NFKBIA: variants seen among roughly 807,000 people sequenced by gnomAD.
The protein encoded by NFKBIA is NF-kappa-B inhibitor alpha.
Under a neutral mutation model 36.3 loss-of-function variants are expected in NFKBIA, and 10 were observed. The observed-to-expected ratio is 0.28, with a 90% CI of 0.17 to 0.47. The LOEUF (loss-of-function observed/expected upper bound fraction) is 0.47, where lower values mean the gene tolerates loss of function less well. NFKBIA is among the 20% of genes least tolerant of loss of function. NFKBIA has a pLI of 0.99. For missense variants in NFKBIA, 355 were observed against 399.3 expected (o/e 0.89, Z 0.94); for synonymous variants, 205 against 164.4 (o/e 1.25, Z -1.89).
Position 35,402,028 on chromosome 14 carries a change from C to T in NFKBIA, c.939G>A (p.Gln313=). ...LPYDDCVFGG[Q]RLTL ...CCCTTTGCGCTCATAACGTCAGACG[C>T]TGGCCTCCAAACACACAGTCATCAT... The change falls in exon 6 of 6, where the codon CAG becomes CAA. Residue 313 remains glutamine, a synonymous_variant. Transcript: ENST00000216797. The T allele has an allele frequency of 6.2e-7, 1 of 1,614,042 alleles. No homozygotes were observed. The highest frequency in any genetic ancestry group is 1.1e-5 in the South Asian group (1 of 91,090).
Position 35,403,380 on chromosome 14 carries a change from C to G in NFKBIA, c.337-20G>C, listed in dbSNP as rs371120371. ...TGGAGTCTACGAATGCAAGAGAGACCAGAGAAAGTAAGCCATGGACCAAAC... is the reference window on the plus strand; with the variant it reads ...TGGAGTCTACGAATGCAAGAGAGACGAGAGAAAGTAAGCCATGGACCAAAC... On this transcript the variant is annotated intron_variant, in intron 2 of 5. Coordinates refer to ENST00000216797, the MANE Select transcript of NFKBIA (RefSeq NM_020529.3). 16 of 1,613,270 alleles carry G rather than the reference C, an allele frequency of 9.9e-6. No individual in the cohort carries two copies. The highest frequency in any genetic ancestry group is 1.4e-5 in the Non-Finnish European group (16 of 1,179,684).
At position 35,402,043 on chromosome 14, in the gene NFKBIA, A is replaced by G. The variant is rs2052732399; in HGVS notation, c.924T>C (p.Cys308=). 1.9e-6 allele frequency: 3 copies of G among 1,613,970 alleles called. No individual in the cohort carries two copies. Among genetic ancestry groups the G allele is most frequent in the Non-Finnish European group, 2.5e-6 (3 of 1,180,020 alleles). Residue 308 remains cysteine (C), a synonymous_variant, in exon 6 of 6, where the codon TGT becomes TGC. Transcript: ENST00000216797. ...FTEDELPYDD[C]VFGGQRLTL ...ACGTCAGACGCTGGCCTCCAAACAC[A>G]CAGTCATCATAGGGCAGCTGAAAAC... is the stretch of plus-strand genomic sequence containing the variant.
Position 35,403,699 on chromosome 14 carries a change from G to A in NFKBIA, c.327C>T (p.Asn109=), listed in dbSNP as rs761346881. 6 of 1,612,980 alleles carry A rather than the reference G, an allele frequency of 3.7e-6. No homozygotes were observed. Among genetic ancestry groups the A allele is most frequent in the African/African-American group, 1.3e-5 (1 of 75,050 alleles). Residue 109 remains asparagine (N), a synonymous_variant, in exon 2 of 6, where the codon AAC becomes AAT. Coordinates refer to ENST00000216797, the MANE Select transcript of NFKBIA (RefSeq NM_020529.3). The stretch of plus-strand genomic sequence containing the variant: ...CAGGCAAGCGGCGCACCTGCTGCAG[G>A]TTGTTCTGGAAGTTGAGGAAGGCCA... ...GDLAFLNFQN[N]LQQTPLHLAV...
At position 35,401,648 on chromosome 14, in the gene NFKBIA, G is replaced by A. The variant is rs1397258012; in HGVS notation, c.*365C>T. ...AACTTTTCACCCCACATCACTGAACGCTTAACACTCCTGGCTGTTACATGT... is the reference window on the plus strand; with the variant it reads ...AACTTTTCACCCCACATCACTGAACACTTAACACTCCTGGCTGTTACATGT... On this transcript the variant is annotated 3_prime_UTR_variant, in exon 6 of 6. Transcript: ENST00000216797. The A allele has an allele frequency of 3.4e-5, 13 of 379,588 alleles. No individual in the cohort carries two copies. Among genetic ancestry groups the A allele is most frequent in the Non-Finnish European group, 5.8e-5 (12 of 206,972 alleles). 23.5% of individuals were successfully genotyped at this position (379,588 alleles called of 1,614,324 possible).
intron 1 of NFKBIA, 81 bp from the exon 2 acceptor site, chr14:35,403,879 G>A: frequency 1.9e-6 from 2 of 1,036,936 alleles, no homozygotes; most frequent in East Asian, 2.5e-5. Flanking sequence ...GCGGGGGATT[G>A]CGCAAGGCCG....
chr14:35,403,933 T>G (rs2052758290), intron 1 of NFKBIA, 135 bp from the exon 2 acceptor site: 2 of 716,610 alleles, frequency 2.8e-6, no homozygotes, highest in Non-Finnish European at 5.0e-6. Context: ...GCGAGGTTAT[T>G]ATGAGCTGAG....
rs1566589668 is a variant in NFKBIA, at chr14:35,402,001, G to C, written c.*12C>G. 3 of 1,613,224 alleles carry C rather than the reference G, an allele frequency of 1.9e-6. No individual in the cohort carries two copies. The highest frequency in any genetic ancestry group is 2.2e-5 in the East Asian group (1 of 44,874). Reference sequence around the variant, plus strand: ...AAATATACAAGTCCATGTTCTTTCAGCCCCTTTGCGCTCATAACGTCAGAC... The same window carrying C: ...AAATATACAAGTCCATGTTCTTTCACCCCCTTTGCGCTCATAACGTCAGAC... On this transcript the variant is annotated 3_prime_UTR_variant, in exon 6 of 6. Transcript: ENST00000216797.
intron 5 of NFKBIA, 93 bp downstream of exon 5, chr14:35,402,301 T>C (rs2138830123): frequency 1.4e-6 from 2 of 1,460,494 alleles, no homozygotes; most frequent in African/African-American, 1.4e-5. Context: ...ATTATGTAGA[T>C]ACCCCTCTGA....
Position 35,402,114 on chromosome 14 carries a change from A to G in NFKBIA, c.907-54T>C, listed in dbSNP as rs1246145380. 3.1e-6 allele frequency: 5 copies of G among 1,606,572 alleles called. No homozygotes were observed. In the Admixed American group the frequency reaches 5.0e-5, roughly 16 times the overall value. ...AAGCTTCCGGAGCGGAGCTCTGCCA[A>G]GCTACCGGGATGGGGAGGCCACTAC... On this transcript the variant is annotated intron_variant, in intron 5 of 5. Transcript: ENST00000216797.
At chr14:35,404,051 C>T (rs1490493667) in intron 1 of NFKBIA, 3 of 504,476 alleles carry the variant, frequency 5.9e-6, no homozygotes. Context: ...CCCTGTACTT[C>T]CCCTCCCGGC....
chr14:35,402,274 A>C, intron 5 of NFKBIA, 120 bp downstream of exon 5: 1 of 1,224,448 alleles, frequency 8.2e-7, no homozygotes, highest in Admixed American at 1.7e-5. Context: ...GGTTATGCAC[A>C]GAAATTTGAG....
At chr14:35,403,062 G>T in intron 3 of NFKBIA, 88 bp downstream of exon 3, 1 of 1,461,166 alleles carries the variant, frequency 6.8e-7, no homozygotes, top group Non-Finnish European at 9.5e-7. Flanking sequence ...TTAAGCTCTT[G>T]CCTGGACTCC....
At chr14:35,403,430 C>A (rs2052750143) in intron 2 of NFKBIA, 70 bp from the exon 3 acceptor site, 5 of 1,529,908 alleles carry the variant, frequency 3.3e-6, no homozygotes, top group East Asian at 2.3e-5. Context: ...CCCCTCAACC[C>A]GTGTCTCCTG....
intron 5 of NFKBIA, 97 bp downstream of exon 5, chr14:35,402,297 T>A: frequency 2.1e-6 from 3 of 1,444,190 alleles, no homozygotes; most frequent in Non-Finnish European, 2.9e-6. Context: ...ACTCATTATG[T>A]AGATACCCCT....
chr14:35,403,092 C>G, intron 3 of NFKBIA, 58 bp downstream of exon 3: 1 of 1,578,372 alleles, frequency 6.3e-7, no homozygotes, highest in Non-Finnish European at 8.7e-7. Flanking sequence ...CCCACCTGCC[C>G]CTTCTCCACG....
chr14:35,402,485 A>C lies in NFKBIA; in HGVS notation c.815T>G (p.Leu272Arg). Reference protein sequence around the residue: ...STRIQQQLGQLTLENLQMLPE... With the variant: ...STRIQQQLGQRTLENLQMLPE... ...CAGCATCTGAAGGTTTTCTAGTGTC[A>C]GCTGGCCCAGCTGCTGCTGTATCCG... The change falls in exon 5 of 6, where the codon CTG (leucine) becomes CGG (arginine). Residue 272 changes from leucine (L) to arginine (R), a missense_variant. Coordinates refer to ENST00000216797, the MANE Select transcript of NFKBIA (RefSeq NM_020529.3). 1 of 1,614,168 alleles carries C rather than the reference A, an allele frequency of 6.2e-7. No homozygotes were observed. Among genetic ancestry groups the C allele is most frequent in the Admixed American group, 1.7e-5 (1 of 60,018 alleles).
In NFKBIA at chr14:35,402,853, G is replaced by A. The variant is rs142195196; in HGVS notation, c.554C>T (p.Thr185Met). Residue 185 changes from threonine (T) to methionine (M), a missense_variant, in exon 4 of 6, where the codon ACG (threonine) becomes ATG (methionine). Coordinates refer to ENST00000216797, the MANE Select transcript of NFKBIA (RefSeq NM_020529.3). Reference sequence around the variant, plus strand: ...ATGGATAGAGGCTAAGTGTAGACACGTGTGGCCTGGAAGAACAAAAGGAAA... The same window carrying A: ...ATGGATAGAGGCTAAGTGTAGACACATGTGGCCTGGAAGAACAAAAGGAAA... ...ILKATNYNGH[T>M]CLHLASIHGY... 4.2e-4 allele frequency: 674 copies of A among 1,613,610 alleles called. No homozygotes were observed. Among genetic ancestry groups the A allele is most frequent in the Non-Finnish European group, 5.3e-4 (630 of 1,179,822 alleles).
intron 1 of NFKBIA, 117 bp from the exon 2 acceptor site, chr14:35,403,915 T>TGTTTTCCGCGAG: frequency 1.3e-6 from 1 of 758,600 alleles, no homozygotes; most frequent in Non-Finnish European, 2.3e-6. Flanking sequence ...GAGGCCGCGG[T>TGTTTTCCGCGAG]GTTTTCCGCG....
In NFKBIA at chr14:35,402,763, G is replaced by A. The variant is rs1316450798; in HGVS notation, c.636+8C>T. ...TGACTCAGTGCGTCGGGGGCAGGAA[G>A]CACCAACCTGAGCATTGACATCAGC... On this transcript the variant is annotated splice_region_variant and intron_variant, in intron 4 of 5. Transcript: ENST00000216797. 6.2e-7 allele frequency: 1 copy of A among 1,613,922 alleles called. No individual in the cohort carries two copies. Among genetic ancestry groups the A allele is most frequent in the African/African-American group, 1.3e-5 (1 of 74,928 alleles).
Sources: allele counts gnomAD v4.1 joint callset, GRCh38; gene constraint gnomAD v4.1.1; transcripts MANE v1.5; gene names NCBI Gene and HGNC (gene_info 2026-07-23, HGNC 2026-07-21).